The following CDH9 variants were observed in gnomAD, a reference collection of about 807,000 sequenced individuals.
CDH9 encodes the protein cadherin 9, also known as cadherin-9.
A neutral mutation model predicts 70.9 loss-of-function variants in CDH9; 28 were observed. That is an observed-to-expected ratio of 0.40 (90% CI 0.29 to 0.54). CDH9 has a LOEUF of 0.54. CDH9 is among the 20% of genes least tolerant of loss of function. The pLI is 0.59. For synonymous variants in CDH9, 409 were observed against 343.1 expected, an observed-to-expected ratio of 1.19 and a Z score of -2.12; for missense variants, 874 against 984.4, an observed-to-expected ratio of 0.89 and a Z score of 1.50.
At chr5:26,890,674 C>A in intron 7 of CDH9, 110 bp from the exon 8 acceptor site, 1 of 736,520 alleles carries the variant, frequency 1.4e-6, no homozygotes, top group South Asian at 1.8e-5. Context: ...ACATGAAATG[C>A]AAAATGCTAA....
intron 1 of CDH9, among the ~76,000 whole-genome samples, chr5:27,030,401 A>C (rs1743292053): frequency 6.6e-6 from 1 of 151,870 alleles, no homozygotes; most frequent in African/African-American, 2.4e-5. Flanking sequence ...CCAGGTTAAA[A>C]AGGAGAAGCA....
At chr5:27,002,737 A>C (rs1742792755) in intron 1 of CDH9, among the ~76,000 whole-genome samples, 1 of 151,920 alleles carries the variant, frequency 6.6e-6, no homozygotes. Context: ...ACTTGGACAC[A>C]GGAAGGTGAA....
intron 1 of CDH9, among the ~76,000 whole-genome samples, chr5:26,996,105 C>T (rs575399649): frequency 1.0e-3 from 159 of 152,086 alleles, no homozygotes; most frequent in South Asian, 5.2e-3. Flanking sequence ...TATACCTACA[C>T]ATATACACTT....
intron 2 of CDH9, among the ~76,000 whole-genome samples, chr5:26,926,989 G>A (rs1741354071): frequency 6.9e-6 from 1 of 144,036 alleles, no homozygotes; most frequent in South Asian, 2.2e-4. Context: ...GATAAATATT[G>A]ACACAAAAAT....
At chr5:26,966,603 A>T (rs180685624) in intron 2 of CDH9, among the ~76,000 whole-genome samples, 20 of 152,126 alleles carry the variant, frequency 1.3e-4, no homozygotes, top group African/African-American at 4.8e-4. Flanking sequence ...CTCCTTAGAG[A>T]TTTCTTCACA....
At chr5:27,004,801 A>T (rs1213361147) in intron 1 of CDH9, among the ~76,000 whole-genome samples, 2 of 152,148 alleles carry the variant, frequency 1.3e-5, no homozygotes, top group East Asian at 3.9e-4. Flanking sequence ...TATGCATTTA[A>T]CATCCAAGTG....
intron 2 of CDH9, among the ~76,000 whole-genome samples, chr5:26,930,538 A>G (rs1204262991): frequency 6.6e-6 from 1 of 152,144 alleles, no homozygotes; most frequent in East Asian, 1.9e-4. Flanking sequence ...GGACCTGCAC[A>G]ATTCAAACCC....
intron 2 of CDH9, among the ~76,000 whole-genome samples, chr5:26,973,646 T>C (rs548894022): frequency 4.2e-4 from 64 of 152,266 alleles, no homozygotes; most frequent in African/African-American, 1.4e-3. Context: ...AATTCGAGTG[T>C]CTCGCTCTCT....
intron 2 of CDH9, among the ~76,000 whole-genome samples, chr5:26,972,798 T>G (rs976748119): frequency 2.6e-5 from 4 of 152,080 alleles, no homozygotes; most frequent in Non-Finnish European, 5.9e-5. Context: ...AGGAAGAAAC[T>G]AAGATGTGAG....
At chr5:26,883,045 ATATATATATAT>A (rs1740495147) in intron 11 of CDH9, among the ~76,000 whole-genome samples, 1 of 14,210 alleles carries the variant, frequency 7.0e-5, no homozygotes, top group South Asian at 2.4e-3. Context: ...ATCATCTTAT[ATATATATATAT>A]ATATATATAT....
At chr5:26,910,382 G>A (rs2111998251) in intron 3 of CDH9, among the ~76,000 whole-genome samples, 1 of 152,214 alleles carries the variant, frequency 6.6e-6, no homozygotes, top group East Asian at 1.9e-4. Context: ...TATAGAGAAG[G>A]GGAAATACTG....
At chr5:27,029,022 A>G (rs999225912) in intron 1 of CDH9, among the ~76,000 whole-genome samples, 7 of 152,046 alleles carry the variant, frequency 4.6e-5, no homozygotes, top group African/African-American at 1.7e-4. Flanking sequence ...GAATGATCCA[A>G]GGACTAAATA....
At chr5:26,934,694 T>TTAAACAG (rs1741528537) in intron 2 of CDH9, among the ~76,000 whole-genome samples, 1 of 152,148 alleles carries the variant, frequency 6.6e-6, no homozygotes, top group Non-Finnish European at 1.5e-5. Context: ...AATGCCATCA[T>TTAAACAG]CTACCACTGT....
chr5:26,983,353 G>C (rs1042080419), intron 2 of CDH9, among the ~76,000 whole-genome samples: 2 of 152,136 alleles, frequency 1.3e-5, no homozygotes, highest in East Asian at 3.9e-4. Context: ...TTGTGCTAGA[G>C]AATGGGATTA....
intron 3 of CDH9, among the ~76,000 whole-genome samples, chr5:26,911,776 T>A (rs1163963405): frequency 6.6e-6 from 1 of 152,226 alleles, no homozygotes; most frequent in Non-Finnish European, 1.5e-5. Flanking sequence ...CCAGATTATA[T>A]GTTCTGATTA....
chr5:27,034,299 G>T (rs1007806146), intron 1 of CDH9, among the ~76,000 whole-genome samples: 1 of 151,582 alleles, frequency 6.6e-6, no homozygotes, highest in African/African-American at 2.4e-5. Context: ...TTCAAAATCT[G>T]ATATGAGGGG....
intron 1 of CDH9, among the ~76,000 whole-genome samples, chr5:26,989,142 C>T (rs1742538471): frequency 6.6e-6 from 1 of 151,914 alleles, no homozygotes. Flanking sequence ...AATTAGATAA[C>T]ACATGTTACG....
rs1740449722 is a variant in CDH9 at position 26,881,002 on chromosome 5, C to T, written c.*134G>A. 2.7e-6 allele frequency: 2 copies of T among 742,944 alleles called. No individual in the cohort carries two copies. The highest frequency in any genetic ancestry group is 4.3e-6 in the Non-Finnish European group (2 of 460,212). The allele number at this position is 742,944 out of a possible 1,614,324, so 46.0% of individuals were successfully genotyped here. ...AAAGACTTACTGATTAAGCAAATCC[C>T]TACTTGACAACATCTACGTATTGTT... On this transcript the variant is annotated 3_prime_UTR_variant, in exon 12 of 12. Transcript: ENST00000231021.
At chr5:26,943,553 T>C (rs1433611710) in intron 2 of CDH9, among the ~76,000 whole-genome samples, 1 of 150,450 alleles carries the variant, frequency 6.6e-6, no homozygotes, top group African/African-American at 2.4e-5. Flanking sequence ...CTCATGAGGC[T>C]CCAGAGGGCA....
Sources: allele counts gnomAD v4.1 joint callset (sites outside exome capture counted in the v4.1 genomes callset), GRCh38; gene constraint gnomAD v4.1.1; transcripts MANE v1.5; gene names NCBI Gene and HGNC (gene_info 2026-07-23, HGNC 2026-07-21).